The following HECW1 variants were observed in gnomAD, a reference collection of about 807,000 sequenced individuals.
HECW1 encodes the protein E3 ubiquitin-protein ligase HECW1.
A neutral mutation model predicts 182.3 loss-of-function variants in HECW1; 61 were observed. The ratio of observed to expected loss-of-function variants is 0.33; its 90% CI spans 0.27 to 0.41. The LOEUF (loss-of-function observed/expected upper bound fraction) is 0.41. HECW1 is among the 10% of genes least tolerant of loss of function. The probability of loss-of-function intolerance (pLI) is 1.00; values close to 1 mark genes in which losing one functional copy is unlikely to be tolerated. For synonymous variants in HECW1, 859 were observed against 832.6 expected (o/e 1.03, Z -0.55); for missense variants, 1,739 against 2,108.9 (o/e 0.82, Z 3.44).
At chr7:43,216,048 C>T (rs1796413745) in intron 2 of HECW1, among the ~76,000 whole-genome samples, 1 of 152,206 alleles carries the variant, frequency 6.6e-6, no homozygotes, top group South Asian at 2.1e-4. Flanking sequence ...AGGTAGAAGA[C>T]AGAATTCCTA....
At chr7:43,469,214 G>A in intron 16 of HECW1, 109 bp downstream of exon 16, 29 of 1,190,668 alleles carry the variant, frequency 2.4e-5, no homozygotes, top group Non-Finnish European at 3.2e-5. Flanking sequence ...TCTGAGAGAT[G>A]TGCTATCGGC....
intron 13 of HECW1, among the ~76,000 whole-genome samples, chr7:43,462,044 C>G (rs1166508070): frequency 6.6e-6 from 1 of 152,218 alleles, no homozygotes; most frequent in East Asian, 1.9e-4. Flanking sequence ...AAGCTTTCCT[C>G]TGTAAGGTCA....
intron 2 of HECW1, among the ~76,000 whole-genome samples, chr7:43,195,986 A>T (rs1794425880): frequency 1.3e-5 from 2 of 152,134 alleles, no homozygotes. Context: ...CCCAGGCCAA[A>T]TCCAGCACCA....
intron 2 of HECW1, among the ~76,000 whole-genome samples, chr7:43,177,321 C>T (rs1265745419): frequency 6.6e-6 from 1 of 152,150 alleles, no homozygotes; most frequent in Non-Finnish European, 1.5e-5. Context: ...GGGCCTTCCA[C>T]AGTGAATCTA....
intron 5 of HECW1, among the ~76,000 whole-genome samples, chr7:43,332,852 C>T (rs1158554191): frequency 2.0e-5 from 3 of 152,272 alleles, no homozygotes; most frequent in East Asian, 1.9e-4. Context: ...TCATTTAATC[C>T]TTATGGAACC....
chr7:43,415,145 A>G (rs2075947293), intron 8 of HECW1, among the ~76,000 whole-genome samples: 1 of 151,276 alleles, frequency 6.6e-6, no homozygotes, highest in Non-Finnish European at 1.5e-5. Flanking sequence ...ACATTTTGTC[A>G]TGATTTTGCA....
Position 43,541,859 on chromosome 7 carries a change from A to G in HECW1, c.4119-10A>G. On this transcript the variant is annotated splice_polypyrimidine_tract_variant and intron_variant, in intron 25 of 29. Coordinates refer to ENST00000395891, the MANE Select transcript of HECW1 (RefSeq NM_015052.5). ...TTTGGTAATTTGCCTTTCTCACTGAATTCACCCAGGCCCTGTGATTTGAGT... is the reference window on the plus strand; with the variant it reads ...TTTGGTAATTTGCCTTTCTCACTGAGTTCACCCAGGCCCTGTGATTTGAGT... The G allele has an allele frequency of 6.8e-7, 1 of 1,465,680 alleles. No homozygotes were observed. The highest frequency in any genetic ancestry group is 9.0e-7 in the Non-Finnish European group (1 of 1,106,336). 90.8% of individuals were successfully genotyped at this position (1,465,680 alleles called of 1,614,324 possible).
At chr7:43,315,704 G>A (rs1809154562) in intron 4 of HECW1, among the ~76,000 whole-genome samples, 1 of 152,014 alleles carries the variant, frequency 6.6e-6, no homozygotes, top group African/African-American at 2.4e-5. Context: ...ATGTTGGCCA[G>A]GCTGATCTCA....
rs764635959 is a variant in HECW1 at position 43,554,634 on chromosome 7, C to T, written c.4553C>T (p.Ala1518Val). 2.2e-5 allele frequency: 35 copies of T among 1,613,516 alleles called. No homozygotes were observed. Among genetic ancestry groups the T allele is most frequent in the South Asian group, 3.3e-5 (3 of 90,856 alleles). The change falls in exon 29 of 30, where the codon GCG becomes GTG. Residue 1518 changes from alanine (A) to valine (V), a missense_variant. Coordinates refer to ENST00000395891, the MANE Select transcript of HECW1 (RefSeq NM_015052.5). ...GHLVIRWFWA[A>V]VERFNNEQRL... ...CTTGTGATCCGCTGGTTCTGGGCTG[C>T]GGTGGAGCGCTTCAATAATGAGCAG...
intron 3 of HECW1, among the ~76,000 whole-genome samples, chr7:43,306,800 G>T (rs1025082377): frequency 6.6e-5 from 10 of 151,962 alleles, no homozygotes; most frequent in African/African-American, 2.4e-4. Flanking sequence ...AAAAATCCAT[G>T]CATAATAACA....
At chr7:43,429,906 T>C (rs1283079820) in intron 8 of HECW1, among the ~76,000 whole-genome samples, 1 of 152,238 alleles carries the variant, frequency 6.6e-6, no homozygotes, top group African/African-American at 2.4e-5. Flanking sequence ...CTAACTGATG[T>C]CATGACCTAT....
intron 7 of HECW1, among the ~76,000 whole-genome samples, chr7:43,398,175 T>C (rs937118847): frequency 1.4e-4 from 22 of 152,048 alleles, no homozygotes; most frequent in Admixed American, 5.2e-4. Flanking sequence ...GAGAATGGCT[T>C]GAACATGGGA....
In HECW1 at chr7:43,222,385, A is replaced by G. The variant is rs1375467175; in HGVS notation, c.-31-21490A>G. ...AGATTATGCAAACAATCTTTGAAAG[A>G]TTATGGACTGTTCTATGTCCAGAAG... On this transcript the variant is annotated intron_variant, in intron 2 of 29. Coordinates refer to ENST00000395891, the MANE Select transcript of HECW1 (RefSeq NM_015052.5). 2.6e-5 allele frequency among the ~76,000 whole-genome samples: 4 copies of G among 152,164 alleles called. No homozygotes were observed. In the East Asian group the frequency reaches 7.7e-4, roughly 29 times the overall value.
intron 3 of HECW1, among the ~76,000 whole-genome samples, chr7:43,304,868 A>G (rs1807349069): frequency 6.6e-6 from 1 of 152,202 alleles, no homozygotes; most frequent in Non-Finnish European, 1.5e-5. Context: ...GACCTAAAGG[A>G]GCTAGGCTGG....
At chr7:43,351,559 G>C (rs1230696136) in intron 5 of HECW1, among the ~76,000 whole-genome samples, 1 of 152,040 alleles carries the variant, frequency 6.6e-6, no homozygotes, top group South Asian at 2.1e-4. Context: ...GGGGATGGGG[G>C]TGAGATTCCC....
At chr7:43,385,562 C>T (rs2074761316) in intron 6 of HECW1, among the ~76,000 whole-genome samples, 1 of 151,776 alleles carries the variant, frequency 6.6e-6, no homozygotes, top group Non-Finnish European at 1.5e-5. Context: ...AGCCGTCCCT[C>T]AGAGAGCTGG....
intron 6 of HECW1, among the ~76,000 whole-genome samples, chr7:43,366,896 G>A (rs1476677031): frequency 6.6e-6 from 1 of 152,128 alleles, no homozygotes; most frequent in African/African-American, 2.4e-5. Context: ...CTGAGATCCC[G>A]GGAGAGCAGG....
chr7:43,549,111 C>T lies in HECW1; in HGVS notation c.4249-1334C>T, dbSNP rs560114530. Among the ~76,000 whole-genome samples the T allele has an allele frequency of 2.6e-5, 4 of 152,338 alleles. No individual in the cohort carries two copies. The East Asian group carries it at 7.7e-4, about 29-fold the overall frequency. On this transcript the variant is annotated intron_variant, in intron 26 of 29. Coordinates refer to ENST00000395891, the MANE Select transcript of HECW1 (RefSeq NM_015052.5). ...CAGTGCAGCCGGACAAAGGAACACA[C>T]AGCCCATCCCTTCAAGGAGGCCTCC...
intron 6 of HECW1, among the ~76,000 whole-genome samples, chr7:43,363,361 A>G (rs1816205696): frequency 6.6e-6 from 1 of 152,138 alleles, no homozygotes; most frequent in South Asian, 2.1e-4. Context: ...TACTGCCCTG[A>G]CCTCATCTTT....
Sources: gnomAD v4.1 joint callset for allele counts (sites outside exome capture counted in the v4.1 genomes callset) on GRCh38, gnomAD v4.1.1 for gene constraint, MANE v1.5 for transcripts, NCBI Gene and HGNC (gene_info 2026-07-23, HGNC 2026-07-21) for gene names.